H2AC14: variants seen among roughly 807,000 people sequenced by gnomAD.
The protein encoded by H2AC14 is histone cluster 1, H2aj.
H2AC14 carries 6 observed loss-of-function variants against 5.7 expected under a neutral mutation model. The observed-to-expected ratio is 1.05, with a 90% CI of 0.57 to 2.07. The LOEUF (loss-of-function observed/expected upper bound fraction) is 2.07, where lower values mean the gene tolerates loss of function less well. Ranked by LOEUF, H2AC14 falls within the 30% of genes most tolerant of loss-of-function variation. The pLI is 0.00. For synonymous variants in H2AC14, 121 were observed against 79.3 expected (o/e 1.53, Z -2.80); for missense variants, 136 against 174.6 (o/e 0.78, Z 1.25).
Position 27,814,430 on chromosome 6 carries a change from G to A in H2AC14, c.311C>T (p.Ala104Val), listed in dbSNP as rs1760612944. ...GATGTTGGGCAGGACGCCACCCTGTGCGATGGTGACTTTGCCCAGAAGCTT... is the reference window on the plus strand; with the variant it reads ...GATGTTGGGCAGGACGCCACCCTGTACGATGGTGACTTTGCCCAGAAGCTT... ...LNKLLGKVTI[A>V]QGGVLPNIQA... The change falls in exon 1 of 1, where the codon GCA becomes GTA. Residue 104 changes from alanine to valine, a missense_variant. Physicochemically the swap from Ala to Val is moderately conservative, Grantham distance 64. Coordinates refer to ENST00000333151, the MANE Select transcript of H2AC14 (RefSeq NM_021066.3). 1 of 1,614,150 alleles carries A rather than the reference G, an allele frequency of 6.2e-7. No individual in the cohort carries two copies. The highest frequency in any genetic ancestry group is 8.5e-7 in the Non-Finnish European group (1 of 1,180,032).
Position 27,814,574 on chromosome 6 carries a change from A to G in H2AC14, c.167T>C (p.Leu56Pro). The G allele has an allele frequency of 1.9e-6, 3 of 1,601,724 alleles. No homozygotes were observed. The highest frequency in any genetic ancestry group is 2.6e-6 in the Non-Finnish European group (3 of 1,172,046). ...AGAPVYLAAVLEYLTAEILEL... is the reference protein window; with the variant it reads ...AGAPVYLAAVPEYLTAEILEL... ...CAGGATCTCGGCGGTCAGGTACTCCAGCACCGCCGCCAGGTACACCGGCGC... is the reference window on the plus strand; with the variant it reads ...CAGGATCTCGGCGGTCAGGTACTCCGGCACCGCCGCCAGGTACACCGGCGC... Residue 56 changes from leucine to proline, a missense_variant, in exon 1 of 1, where the codon CTG becomes CCG. Coordinates refer to ENST00000333151, the MANE Select transcript of H2AC14 (RefSeq NM_021066.3).
In H2AC14 at chr6:27,814,475, C is replaced by G. The variant is rs1344568018; in HGVS notation, c.266G>C (p.Arg89Pro). The G allele has an allele frequency of 3.1e-6, 5 of 1,613,232 alleles. No individual in the cohort carries two copies. Among genetic ancestry groups the G allele is most frequent in the Non-Finnish European group, 4.2e-6 (5 of 1,179,584 alleles). ...IIPRHLQLAI[R>P]NDEELNKLLG... is the part of the protein sequence containing the mutation. ...AAGCTTGTTGAGCTCCTCATCGTTG[C>G]GGATGGCCAGCTGGAGGTGACGCGG... Residue 89 changes from arginine (R) to proline (P), a missense_variant, in exon 1 of 1, where the codon CGC becomes CCC. Physicochemically the swap from Arg to Pro is moderately radical, Grantham distance 103. Coordinates refer to ENST00000333151, the MANE Select transcript of H2AC14 (RefSeq NM_021066.3).
chr6:27,814,698 C>T lies in H2AC14; in HGVS notation c.43G>A (p.Ala15Thr). ...CCGGCCCGAGAAGAGCGGGTCTTGG[C>T]CTTGGCGCGAGCTTTGCCTCCCTGC... ...GKQGGKARAKAKTRSSRAGLQ... is the reference protein window; with the variant it reads ...GKQGGKARAKTKTRSSRAGLQ... Residue 15 changes from alanine to threonine, a missense_variant, in exon 1 of 1, where the codon GCC (alanine) becomes ACC (threonine). Ala to Thr is a moderately conservative substitution (Grantham distance 58). Coordinates refer to ENST00000333151, the MANE Select transcript of H2AC14 (RefSeq NM_021066.3). The T allele has an allele frequency of 1.3e-6, 2 of 1,560,456 alleles. No homozygotes were observed. The highest frequency in any genetic ancestry group is 1.7e-6 in the Non-Finnish European group (2 of 1,155,684).
At position 27,814,710 on chromosome 6, in the gene H2AC14, C is replaced by A. The variant is rs374667336; in HGVS notation, c.31G>T (p.Ala11Ser). ...GAGCGGGTCTTGGCCTTGGCGCGAG[C>A]TTTGCCTCCCTGCTTACCACGCCCA... MSGRGKQGGK[A>S]RAKAKTRSSR... The change falls in exon 1 of 1, where the codon GCT (alanine) becomes TCT (serine). Residue 11 changes from alanine (A) to serine (S), a missense_variant. Ala to Ser is a moderately conservative substitution (Grantham distance 99). Transcript: ENST00000333151. 2.0e-5 allele frequency: 32 copies of A among 1,564,150 alleles called. No individual in the cohort carries two copies. The Admixed American group carries it at 2.7e-4, about 13-fold the overall frequency.
In H2AC14 at chr6:27,814,690, G is replaced by T; in HGVS notation, c.51C>A (p.Thr17=). 1.3e-6 allele frequency: 2 copies of T among 1,558,486 alleles called. No individual in the cohort carries two copies. The highest frequency in any genetic ancestry group is 3.5e-4 in the Middle Eastern group (2 of 5,774). The change falls in exon 1 of 1, where the codon ACC becomes ACA. Residue 17 remains threonine (T), a synonymous_variant. Transcript: ENST00000333151. ...QGGKARAKAK[T]RSSRAGLQFP... is the part of the protein sequence containing the mutation. ...ACTGAAGCCCGGCCCGAGAAGAGCG[G>T]GTCTTGGCCTTGGCGCGAGCTTTGC...
rs1264889885 is a variant in H2AC14, at chr6:27,814,595, G to C, written c.146C>G (p.Pro49Arg). The C allele has an allele frequency of 6.3e-7, 1 of 1,596,924 alleles. No homozygotes were observed. Among genetic ancestry groups the C allele is most frequent in the Non-Finnish European group, 8.6e-7 (1 of 1,169,418 alleles). The stretch of plus-strand genomic sequence containing the variant: ...CTCCAGCACCGCCGCCAGGTACACC[G>C]GCGCTCCAGCACCGACCCGCTCCGC... Reference protein sequence around the residue: ...NYAERVGAGAPVYLAAVLEYL... With the variant: ...NYAERVGAGARVYLAAVLEYL... Residue 49 changes from proline to arginine, a missense_variant, in exon 1 of 1, where the codon CCG (proline) becomes CGG (arginine). Physicochemically the swap from Pro to Arg is moderately radical, Grantham distance 103. Around this residue, in one of 2 missense-constraint regions of H2AC14, gnomAD observed 100 missense variants for 152.3 expected, o/e 0.66. Transcript: ENST00000333151.
rs374549068 is a variant in H2AC14, at chr6:27,814,748, G to T, written c.-8C>A. Reference sequence around the variant, plus strand: ...CTTACCACGCCCAGACATGGCAAAAGGTCTATTACCTTTACGGTCAAGAAA... The same window carrying T: ...CTTACCACGCCCAGACATGGCAAAATGTCTATTACCTTTACGGTCAAGAAA... On this transcript the variant is annotated 5_prime_UTR_variant, in exon 1 of 1. Coordinates refer to ENST00000333151, the MANE Select transcript of H2AC14 (RefSeq NM_021066.3). 1.3e-6 allele frequency: 2 copies of T among 1,547,132 alleles called. No homozygotes were observed.
Position 27,814,702 on chromosome 6 carries a change from G to A in H2AC14, c.39C>T (p.Ala13=), listed in dbSNP as rs140756114. The A allele has an allele frequency of 3.8e-6, 6 of 1,562,478 alleles. No homozygotes were observed. The highest frequency in any genetic ancestry group is 1.4e-5 in the African/African-American group (1 of 73,174). ...CCCGAGAAGAGCGGGTCTTGGCCTT[G>A]GCGCGAGCTTTGCCTCCCTGCTTAC... ...GRGKQGGKAR[A]KAKTRSSRAG... Residue 13 remains alanine, a synonymous_variant, in exon 1 of 1, where the codon GCC becomes GCT. Coordinates refer to ENST00000333151, the MANE Select transcript of H2AC14 (RefSeq NM_021066.3).
In H2AC14 at chr6:27,814,393, C is replaced by T. The variant is rs201801053; in HGVS notation, c.348G>A (p.Leu116=). The T allele has an allele frequency of 9.9e-5, 160 of 1,614,046 alleles. No homozygotes were observed. In the East Asian group the frequency reaches 3.3e-3, roughly 34 times the overall value. The change falls in exon 1 of 1, where the codon CTG becomes CTA. Residue 116 remains leucine (L), a synonymous_variant. Transcript: ENST00000333151. Reference sequence around the variant, plus strand: ...GGTGGCTCTCAGTTTTCTTTGGCAGCAGCACGGCCTGGATGTTGGGCAGGA... The same window carrying T: ...GGTGGCTCTCAGTTTTCTTTGGCAGTAGCACGGCCTGGATGTTGGGCAGGA... ...GGVLPNIQAV[L]LPKKTESHHK... is the part of the protein sequence containing the mutation.
In H2AC14 at chr6:27,814,378, A is replaced by C; in HGVS notation, c.363T>G (p.Thr121=). Residue 121 remains threonine (T), a synonymous_variant, in exon 1 of 1, where the codon ACT becomes ACG. Transcript: ENST00000333151. ...TTTACTTAGTCTTGTGGTGGCTCTCAGTTTTCTTTGGCAGCAGCACGGCCT... is the reference window on the plus strand; with the variant it reads ...TTTACTTAGTCTTGTGGTGGCTCTCCGTTTTCTTTGGCAGCAGCACGGCCT... ...NIQAVLLPKK[T]ESHHKTK 1 of 1,613,930 alleles carries C rather than the reference A, an allele frequency of 6.2e-7. No individual in the cohort carries two copies. Among genetic ancestry groups the C allele is most frequent in the East Asian group, 2.2e-5 (1 of 44,864 alleles).
Position 27,814,649 on chromosome 6 carries a change from A to G in H2AC14, c.92T>C (p.Val31Ala). ...RAGLQFPVGR[V>A]HRLLRKGNYA... ...GTTGCCTTTGCGGAGCAGGCGATGC[A>G]CTCGGCCTACGGGAAACTGAAGCCC... The change falls in exon 1 of 1, where the codon GTG (valine) becomes GCG (alanine). Residue 31 changes from valine to alanine, a missense_variant. This residue lies in a region of H2AC14 where 100 missense variants were observed against 152.3 expected (regional missense o/e 0.66). Transcript: ENST00000333151. The G allele has an allele frequency of 6.5e-7, 1 of 1,545,244 alleles. No homozygotes were observed. Among genetic ancestry groups the G allele is most frequent in the East Asian group, 2.3e-5 (1 of 44,364 alleles).
chr6:27,814,459 G>A lies in H2AC14; in HGVS notation c.282C>T (p.Leu94=), dbSNP rs1286048597. The change falls in exon 1 of 1, where the codon CTC becomes CTT. Residue 94 remains leucine, a synonymous_variant. Coordinates refer to ENST00000333151, the MANE Select transcript of H2AC14 (RefSeq NM_021066.3). ...TGGTGACTTTGCCCAGAAGCTTGTT[G>A]AGCTCCTCATCGTTGCGGATGGCCA... is the stretch of plus-strand genomic sequence containing the variant. ...LQLAIRNDEE[L]NKLLGKVTIA... 3 of 1,613,956 alleles carry A rather than the reference G, an allele frequency of 1.9e-6. No homozygotes were observed. The Admixed American group carries it at 5.0e-5, about 27-fold the overall frequency.
At position 27,814,327 on chromosome 6, in the gene H2AC14, G is replaced by C. The variant is rs1320700203; in HGVS notation, c.*27C>G. 6.2e-7 allele frequency: 1 copy of C among 1,605,932 alleles called. No individual in the cohort carries two copies. Among genetic ancestry groups the C allele is most frequent in the Middle Eastern group, 1.7e-4 (1 of 6,004 alleles). On this transcript the variant is annotated 3_prime_UTR_variant, in exon 1 of 1. Transcript: ENST00000333151. ...TGAAGTGGCTCTGAAAAGAGCCTTT[G>C]TTTTTATGCGCTTTTCAACTCGGTC...
rs369040595 is a variant in H2AC14, at chr6:27,814,314, G to A, written c.*40C>T. ...TTTTTATGATTGTTGAAGTGGCTCTGAAAAGAGCCTTTGTTTTTATGCGCT... is the reference window on the plus strand; with the variant it reads ...TTTTTATGATTGTTGAAGTGGCTCTAAAAAGAGCCTTTGTTTTTATGCGCT... On this transcript the variant is annotated 3_prime_UTR_variant, in exon 1 of 1. Transcript: ENST00000333151. 1.2e-5 allele frequency: 19 copies of A among 1,600,826 alleles called. No homozygotes were observed. The highest frequency in any genetic ancestry group is 1.7e-5 in the Admixed American group (1 of 57,982).
chr6:27,814,562 G>A lies in H2AC14; in HGVS notation c.179C>T (p.Thr60Ile). The A allele has an allele frequency of 1.2e-6, 2 of 1,607,028 alleles. No individual in the cohort carries two copies. The highest frequency in any genetic ancestry group is 1.1e-5 in the South Asian group (1 of 90,846). Residue 60 changes from threonine to isoleucine, a missense_variant, in exon 1 of 1, where the codon ACC (threonine) becomes ATC (isoleucine). By Grantham distance (89) the Thr-to-Ile change is moderately conservative. Around this residue, in one of 2 missense-constraint regions of H2AC14, gnomAD observed 100 missense variants for 152.3 expected, o/e 0.66. Coordinates refer to ENST00000333151, the MANE Select transcript of H2AC14 (RefSeq NM_021066.3). ...GCCAGCCAGCTCCAGGATCTCGGCG[G>A]TCAGGTACTCCAGCACCGCCGCCAG... ...VYLAAVLEYL[T>I]AEILELAGNA...
chr6:27,814,441 T>C lies in H2AC14; in HGVS notation c.300A>G (p.Lys100=). 1 of 1,614,112 alleles carries C rather than the reference T, an allele frequency of 6.2e-7. No homozygotes were observed. The highest frequency in any genetic ancestry group is 8.5e-7 in the Non-Finnish European group (1 of 1,180,008). Reference sequence around the variant, plus strand: ...GGACGCCACCCTGTGCGATGGTGACTTTGCCCAGAAGCTTGTTGAGCTCCT... The same window carrying C: ...GGACGCCACCCTGTGCGATGGTGACCTTGCCCAGAAGCTTGTTGAGCTCCT... ...NDEELNKLLG[K]VTIAQGGVLP... Residue 100 remains lysine (K), a synonymous_variant, in exon 1 of 1, where the codon AAA becomes AAG. Transcript: ENST00000333151.
At position 27,814,685 on chromosome 6, in the gene H2AC14, G is replaced by C; in HGVS notation, c.56C>G (p.Ser19Cys). ...GKARAKAKTR[S>C]SRAGLQFPVG... ...GGGAAACTGAAGCCCGGCCCGAGAAGAGCGGGTCTTGGCCTTGGCGCGAGC... is the reference window on the plus strand; with the variant it reads ...GGGAAACTGAAGCCCGGCCCGAGAACAGCGGGTCTTGGCCTTGGCGCGAGC... The change falls in exon 1 of 1, where the codon TCT (serine) becomes TGT (cysteine). Residue 19 changes from serine to cysteine, a missense_variant. Ser to Cys is a moderately radical substitution (Grantham distance 112, BLOSUM62 -1). Around this residue, in one of 2 missense-constraint regions of H2AC14, gnomAD observed 100 missense variants for 152.3 expected, o/e 0.66. Transcript: ENST00000333151. 1 of 1,557,102 alleles carries C rather than the reference G, an allele frequency of 6.4e-7. No homozygotes were observed. Among genetic ancestry groups the C allele is most frequent in the Non-Finnish European group, 8.7e-7 (1 of 1,154,852 alleles).
chr6:27,814,666 C>T lies in H2AC14; in HGVS notation c.75G>A (p.Gln25=). Residue 25 remains glutamine (Q), a synonymous_variant, in exon 1 of 1, where the codon CAG becomes CAA. Coordinates refer to ENST00000333151, the MANE Select transcript of H2AC14 (RefSeq NM_021066.3). ...GGCGATGCACTCGGCCTACGGGAAA[C>T]TGAAGCCCGGCCCGAGAAGAGCGGG... ...AKTRSSRAGL[Q]FPVGRVHRLL... 1.5e-5 allele frequency: 23 copies of T among 1,548,300 alleles called. No homozygotes were observed. The highest frequency in any genetic ancestry group is 2.0e-5 in the Non-Finnish European group (23 of 1,151,738).
At position 27,814,563 on chromosome 6, in the gene H2AC14, T is replaced by C. The variant is rs760768500; in HGVS notation, c.178A>G (p.Thr60Ala). Residue 60 changes from threonine (T) to alanine (A), a missense_variant, in exon 1 of 1, where the codon ACC becomes GCC. Transcript: ENST00000333151. Reference sequence around the variant, plus strand: ...CCAGCCAGCTCCAGGATCTCGGCGGTCAGGTACTCCAGCACCGCCGCCAGG... The same window carrying C: ...CCAGCCAGCTCCAGGATCTCGGCGGCCAGGTACTCCAGCACCGCCGCCAGG... Reference protein sequence around the residue: ...VYLAAVLEYLTAEILELAGNA... With the variant: ...VYLAAVLEYLAAEILELAGNA... The C allele has an allele frequency of 1.8e-5, 29 of 1,606,668 alleles. No individual in the cohort carries two copies. Among genetic ancestry groups the C allele is most frequent in the South Asian group, 1.4e-4 (13 of 90,850 alleles).
Sources: gnomAD v4.1 joint callset for allele counts on GRCh38, gnomAD v4.1.1 for gene constraint, gnomAD v4.1.1 regional missense constraint, MANE v1.5 for transcripts, NCBI Gene and HGNC (gene_info 2026-07-23, HGNC 2026-07-21) for gene names.